The following STMN2 variants were observed in gnomAD, a reference collection of about 807,000 sequenced individuals.
STMN2 encodes the protein stathmin 2.
In STMN2, 2 loss-of-function variants were observed where a neutral mutation model predicts 24.1. The observed-to-expected ratio is 0.08, with a 90% CI of 0.03 to 0.26. The LOEUF (loss-of-function observed/expected upper bound fraction) is 0.26, where lower values mean the gene tolerates loss of function less well. Among genes scored for constraint, STMN2 ranks in the 10% least tolerant of loss-of-function variants. The pLI is 1.00. For missense variants in STMN2, 114 were observed against 213.6 expected, an observed-to-expected ratio of 0.53 and a Z score of 2.91; for synonymous variants, 83 against 77.5, an observed-to-expected ratio of 1.07 and a Z score of -0.37.
chr8:79,641,418 G>A lies in STMN2; in HGVS notation c.156G>A (p.Gln52=), dbSNP rs1215418921. 5 of 1,613,880 alleles carry A rather than the reference G, an allele frequency of 3.1e-6. No individual in the cohort carries two copies. The highest frequency in any genetic ancestry group is 3.4e-6 in the Non-Finnish European group (4 of 1,179,976). ...AAATCAACAAACGTGCCTCTGGCCA[G>A]GCTTTTGAGCTGATCTTGAAGCCAC... ...VKQINKRASG[Q]AFELILKPPS... The change falls in exon 3 of 5, where the codon CAG becomes CAA. Residue 52 remains glutamine, a synonymous_variant. Transcript: ENST00000220876.
At chr8:79,650,052 C>G (rs368559011) in intron 3 of STMN2, among the ~76,000 whole-genome samples, 1 of 152,268 alleles carries the variant, frequency 6.6e-6, no homozygotes, top group South Asian at 2.1e-4. Flanking sequence ...ATAGCAAGAT[C>G]GAGAAGGTTC....
At chr8:79,622,219 T>G (rs1191342647) in intron 1 of STMN2, among the ~76,000 whole-genome samples, 1 of 152,164 alleles carries the variant, frequency 6.6e-6, no homozygotes, top group Non-Finnish European at 1.5e-5. Flanking sequence ...ATTTTCTCAG[T>G]TATGAAATGG....
intron 1 of STMN2, among the ~76,000 whole-genome samples, chr8:79,614,779 T>C (rs996721919): frequency 2.0e-5 from 3 of 152,376 alleles, no homozygotes; most frequent in Non-Finnish European, 4.4e-5. Context: ...AGTGTTTTTA[T>C]TGTTACAGCT....
chr8:79,636,955 T>A, intron 2 of STMN2, 58 bp downstream of exon 2: 1 of 1,510,556 alleles, frequency 6.6e-7, no homozygotes, highest in East Asian at 2.3e-5. Flanking sequence ...AAGGTTGACA[T>A]ATATTTGTTT....
intron 1 of STMN2, chr8:79,631,528 A>T: frequency 1.2e-6 from 1 of 815,136 alleles, no homozygotes; most frequent in South Asian, 5.6e-5. Context: ...ATCTTCTGAT[A>T]TGTTAAAAAG....
intron 2 of STMN2, among the ~76,000 whole-genome samples, chr8:79,637,927 G>A (rs4739873): frequency 0.25 from 37,637 of 152,034 alleles, 6,686 homozygotes; most frequent in East Asian, 0.56. Flanking sequence ...TTATTCTATC[G>A]TAGCACAAAA....
chr8:79,650,821 C>A (rs1011845691), intron 3 of STMN2, among the ~76,000 whole-genome samples: 1 of 152,094 alleles, frequency 6.6e-6, no homozygotes, highest in Non-Finnish European at 1.5e-5. Context: ...CGCCTGTAGT[C>A]CCAGCTGTGC....
Position 79,620,198 on chromosome 8 carries a change from T to A in STMN2, c.19+8984T>A, listed in dbSNP as rs567092597. ...ATATTATAACATATAATATATATAT[T>A]ACATATAATAAAGTTGTGTATATTA... On this transcript the variant is annotated intron_variant, in intron 1 of 4. Transcript: ENST00000220876. Among the ~76,000 whole-genome samples, 13 of 148,294 alleles carry A rather than the reference T, an allele frequency of 8.8e-5. No individual in the cohort carries two copies. In the South Asian group the frequency reaches 2.3e-3, roughly 26 times the overall value.
At chr8:79,639,706 T>C (rs1810048255) in intron 2 of STMN2, among the ~76,000 whole-genome samples, 1 of 152,212 alleles carries the variant, frequency 6.6e-6, no homozygotes, top group South Asian at 2.1e-4. Flanking sequence ...CTTTTTTTAA[T>C]TGACAAAAAT....
intron 1 of STMN2, among the ~76,000 whole-genome samples, chr8:79,629,218 C>G (rs1319718028): frequency 6.6e-6 from 1 of 152,146 alleles, no homozygotes; most frequent in Non-Finnish European, 1.5e-5. Flanking sequence ...ATCACTGCAA[C>G]ATCAGGCAGT....
chr8:79,645,043 T>TA (rs1210091831), intron 3 of STMN2, among the ~76,000 whole-genome samples: 3 of 151,914 alleles, frequency 2.0e-5, no homozygotes, highest in African/African-American at 7.3e-5. Context: ...TAATCCCAGC[T>TA]ACTGGGGAGG....
rs142402506 is a variant in STMN2 at position 79,648,505 on chromosome 8, C to G, written c.289-6366C>G. 3.0e-3 allele frequency among the ~76,000 whole-genome samples: 408 copies of G among 134,984 alleles called. 1 individual carries two copies. Among genetic ancestry groups the G allele is most frequent in the Non-Finnish European group, 4.8e-3 (315 of 65,738 alleles). The allele number at this position is 134,984 out of a possible 152,430, so 88.6% of individuals were successfully genotyped here. On this transcript the variant is annotated intron_variant, in intron 3 of 4. Coordinates refer to ENST00000220876, the MANE Select transcript of STMN2 (RefSeq NM_007029.4). ...GGAGTCTCGCTCTGCCACTCAGGCTCAGGCTGGAGTGCAGTGTTGCCACCT... is the reference window on the plus strand; with the variant it reads ...GGAGTCTCGCTCTGCCACTCAGGCTGAGGCTGGAGTGCAGTGTTGCCACCT...
intron 1 of STMN2, among the ~76,000 whole-genome samples, chr8:79,620,752 A>G (rs1483994455): frequency 6.6e-6 from 1 of 152,164 alleles, no homozygotes; most frequent in Non-Finnish European, 1.5e-5. Flanking sequence ...TAATGAGTCC[A>G]TCAACCAATC....
At chr8:79,641,623 T>TTCTCTC in intron 3 of STMN2, 73 bp downstream of exon 3, 2 of 521,012 alleles carry the variant, frequency 3.8e-6, no homozygotes, top group Non-Finnish European at 6.0e-6. Context: ...CGGGCACACA[T>TTCTCTC]GCACGCACAC....
Position 79,614,704 on chromosome 8 carries a change from GT to G in STMN2, c.19+3499del, listed in dbSNP as rs200501807. On this transcript the variant is annotated intron_variant, in intron 1 of 4. Coordinates refer to ENST00000220876, the MANE Select transcript of STMN2 (RefSeq NM_007029.4). Reference sequence around the variant, plus strand: ...ACAACTTTAGTCAAAATTCACAATGGTTTTTTTTTACAATAATGTGACTTAC... The same window carrying G: ...ACAACTTTAGTCAAAATTCACAATGGTTTTTTTTACAATAATGTGACTTAC... 2.6e-4 allele frequency among the ~76,000 whole-genome samples: 40 copies of G among 151,278 alleles called. 1 individual carries two copies. In the East Asian group the frequency reaches 4.8e-3, roughly 18 times the overall value.
chr8:79,657,676 G>C (rs561074844), intron 4 of STMN2, among the ~76,000 whole-genome samples: 2 of 152,044 alleles, frequency 1.3e-5, no homozygotes, highest in Non-Finnish European at 2.9e-5. Context: ...AAATCTAATA[G>C]GATCTTTGGC....
intron 1 of STMN2, among the ~76,000 whole-genome samples, chr8:79,618,846 T>C (rs2130300340): frequency 6.6e-6 from 1 of 152,326 alleles, no homozygotes; most frequent in South Asian, 2.1e-4. Context: ...TTAGGAATTG[T>C]ACTTAGAGTA....
chr8:79,619,969 G>A (rs149610674), intron 1 of STMN2, among the ~76,000 whole-genome samples: 216 of 151,512 alleles, frequency 1.4e-3, no homozygotes, highest in Middle Eastern at 6.8e-3. Flanking sequence ...AAATTAAATC[G>A]CATGATCTAT....
At chr8:79,618,235 A>G (rs1809428560) in intron 1 of STMN2, among the ~76,000 whole-genome samples, 1 of 152,212 alleles carries the variant, frequency 6.6e-6, no homozygotes, top group South Asian at 2.1e-4. Flanking sequence ...CCTGGGGCTT[A>G]TTCAAATAAT....
Sources: gnomAD v4.1 joint callset for allele counts (sites outside exome capture counted in the v4.1 genomes callset) on GRCh38, gnomAD v4.1.1 for gene constraint, MANE v1.5 for transcripts, NCBI Gene and HGNC (gene_info 2026-07-23, HGNC 2026-07-21) for gene names.